The following LPIN1 variants were observed in gnomAD, a reference collection of about 807,000 sequenced individuals.
The protein encoded by LPIN1 is phosphatidate phosphatase LPIN1.
LPIN1 carries 71 observed loss-of-function variants against 107.5 expected under a neutral mutation model. That is an observed-to-expected ratio of 0.66 (90% CI 0.55 to 0.80). LPIN1 has a LOEUF of 0.80. Among genes scored for constraint, LPIN1 ranks in the 30% least tolerant of loss-of-function variants. LPIN1 has a pLI of 0.00. For missense variants in LPIN1, 1,043 were observed against 1,160.6 expected (o/e 0.90, Z 1.47); for synonymous variants, 445 against 452.6 (o/e 0.98, Z 0.21).
Position 11,804,487 on chromosome 2 carries a change from G to A in LPIN1, c.2078G>A (p.Gly693Asp), listed in dbSNP as rs778372334. The A allele has an allele frequency of 1.2e-6, 2 of 1,614,162 alleles. No homozygotes were observed. The highest frequency in any genetic ancestry group is 1.1e-5 in the South Asian group (1 of 91,080). Residue 693 changes from glycine (G) to aspartate (D), a missense_variant, in exon 16 of 21, where the codon GGC (glycine) becomes GAC (aspartate). By Grantham distance (94) the Gly-to-Asp change is moderately conservative. Coordinates refer to ENST00000674199, the MANE Select transcript of LPIN1 (RefSeq NM_001349206.2). ...VVFSVTTQYQ[G>D]TCRCEGTIYL... ...TTCAGTGTCACCACGCAGTACCAAG[G>A]CACGTGCCGCTGTGAGGGCACCATC...
intron 1 of LPIN1, among the ~76,000 whole-genome samples, chr2:11,689,711 C>T (rs1225026951): frequency 6.6e-6 from 1 of 152,142 alleles, no homozygotes; most frequent in Admixed American, 6.5e-5. Flanking sequence ...CAAGATCAGC[C>T]TGGCCAACAT....
At chr2:11,801,569 G>A (rs1422413569) in intron 14 of LPIN1, among the ~76,000 whole-genome samples, 3 of 152,196 alleles carry the variant, frequency 2.0e-5, no homozygotes, top group Non-Finnish European at 4.4e-5. Flanking sequence ...CATGGAGGTA[G>A]AGAGTAGAAT....
chr2:11,763,964 AGT>A lies in LPIN1; in HGVS notation c.-9-1546_-9-1545del, dbSNP rs143711712. Among the ~76,000 whole-genome samples the A allele has an allele frequency of 1.7e-3, 224 of 134,056 alleles. 1 individual carries two copies. Among genetic ancestry groups the A allele is most frequent in the Admixed American group, 3.8e-3 (52 of 13,510 alleles). 87.9% of individuals were successfully genotyped at this position (134,056 alleles called of 152,430 possible). A position where few individuals can be genotyped will look rare whatever the true frequency, so the allele number is the denominator to read the frequency against. ...ATTCGGTGACACTGACATATATTTT[AGT>A]GTGTGTGTGTGTGTGTGTGTGTATA... On this transcript the variant is annotated intron_variant, in intron 1 of 20. Coordinates refer to ENST00000674199, the MANE Select transcript of LPIN1 (RefSeq NM_001349206.2).
chr2:11,721,230 T>C (rs1664112163), upstream of LPIN1, among the ~76,000 whole-genome samples: 1 of 151,252 alleles, frequency 6.6e-6, no homozygotes, highest in Non-Finnish European at 1.5e-5. Context: ...TGGGGTATCT[T>C]GGACCTGAGA....
chr2:11,792,408 G>A (rs1459618894), intron 13 of LPIN1: 4 of 246,254 alleles, frequency 1.6e-5, no homozygotes, highest in South Asian at 5.1e-5. Flanking sequence ...TTTTGGAGAC[G>A]GGCTTGCTCA....
At chr2:11,759,390 G>T (rs988999140) in intron 1 of LPIN1, among the ~76,000 whole-genome samples, 1 of 151,570 alleles carries the variant, frequency 6.6e-6, no homozygotes, top group Non-Finnish European at 1.5e-5. Flanking sequence ...GACTCTTAAC[G>T]AGCCTGCTGC....
chr2:11,741,117 A>T, intron 1 of LPIN1: 2 of 384,522 alleles, frequency 5.2e-6, no homozygotes. Flanking sequence ...ACAGCAGCAC[A>T]AATGGGAGGC....
chr2:11,681,584 G>A (rs1661716687), intron 1 of LPIN1: 1 of 152,526 alleles, frequency 6.6e-6, no homozygotes, highest in African/African-American at 2.4e-5. Flanking sequence ...AATTACCCAG[G>A]TTCGGGTATT....
chr2:11,696,917 C>T (rs543877643), intron 1 of LPIN1, among the ~76,000 whole-genome samples: 1 of 152,340 alleles, frequency 6.6e-6, no homozygotes, highest in East Asian at 1.9e-4. Context: ...CCCCTGGCCG[C>T]ACCTCCTCTG....
intron 3 of LPIN1, among the ~76,000 whole-genome samples, chr2:11,769,908 G>A (rs1316090593): frequency 2.0e-5 from 3 of 152,162 alleles, no homozygotes; most frequent in Non-Finnish European, 2.9e-5. Flanking sequence ...TTGCAGCTTC[G>A]GGACAGAACA....
chr2:11,694,057 C>T (rs1662448586), intron 1 of LPIN1, among the ~76,000 whole-genome samples: 1 of 151,612 alleles, frequency 6.6e-6, no homozygotes, highest in Non-Finnish European at 1.5e-5. Context: ...TGGTCTTGAA[C>T]TCCTGACCTC....
rs538385262 is a variant in LPIN1, at chr2:11,730,378, C to G, written c.-72+5839C>G. 4.6e-5 allele frequency among the ~76,000 whole-genome samples: 7 copies of G among 152,320 alleles called. No homozygotes were observed. The East Asian group carries it at 7.7e-4, about 17-fold the overall frequency. ...TCCTGTGAAGGTTTTCATCTGACCC[C>G]ATCTACTGCACACCTCATCTCATCT... is the stretch of plus-strand genomic sequence containing the variant. On this transcript the variant is annotated intron_variant, in intron 1 of 21. Transcript: ENST00000396097.
intron 1 of LPIN1, among the ~76,000 whole-genome samples, chr2:11,705,246 C>T (rs1403745253): frequency 6.6e-6 from 1 of 152,166 alleles, no homozygotes; most frequent in Non-Finnish European, 1.5e-5. Context: ...GCTGGGTTGC[C>T]TCGGCCAAGT....
At position 11,783,822 on chromosome 2, in the gene LPIN1, G is replaced by C. The variant is rs376096398; in HGVS notation, c.1265-7G>C. 4 of 1,613,312 alleles carry C rather than the reference G, an allele frequency of 2.5e-6. No homozygotes were observed. The highest frequency in any genetic ancestry group is 3.4e-6 in the Non-Finnish European group (4 of 1,179,242). ...GGTTTTCTGACTTGAGCCATTTGCC[G>C]TTTTAGATAAACGAAGCCGACATCT... On this transcript the variant is annotated splice_polypyrimidine_tract_variant and splice_region_variant and intron_variant, in intron 8 of 20. Transcript: ENST00000674199.
intron 14 of LPIN1, among the ~76,000 whole-genome samples, chr2:11,800,910 T>C (rs893216779): frequency 6.6e-6 from 1 of 152,092 alleles, no homozygotes; most frequent in Non-Finnish European, 1.5e-5. Context: ...GAATGAGGAG[T>C]TTGCACATAT....
Position 11,805,171 on chromosome 2 carries a change from C to T in LPIN1, c.2249+15C>T, listed in dbSNP as rs1372910503. 2 of 1,594,086 alleles carry T rather than the reference C, an allele frequency of 1.3e-6. No homozygotes were observed. Among genetic ancestry groups the T allele is most frequent in the East Asian group, 2.2e-5 (1 of 44,790 alleles). ...AAAGTGAGCCAGTGAGTACAGAGTTCCTGTTTCCCGCCTCCTGTGAACGCT... is the reference window on the plus strand; with the variant it reads ...AAAGTGAGCCAGTGAGTACAGAGTTTCTGTTTCCCGCCTCCTGTGAACGCT... On this transcript the variant is annotated intron_variant, in intron 17 of 20. Coordinates refer to ENST00000674199, the MANE Select transcript of LPIN1 (RefSeq NM_001349206.2).
At chr2:11,778,038 G>A (rs929224218) in intron 6 of LPIN1, among the ~76,000 whole-genome samples, 1 of 152,184 alleles carries the variant, frequency 6.6e-6, no homozygotes, top group Non-Finnish European at 1.5e-5. Context: ...GACTGTAGAC[G>A]CTTCAGTGCC....
At chr2:11,813,927 CA>C (rs113707275) in intron 17 of LPIN1, among the ~76,000 whole-genome samples, 88 of 142,416 alleles carry the variant, frequency 6.2e-4, no homozygotes, top group Middle Eastern at 3.6e-3. Flanking sequence ...AACAAATAAA[CA>C]AAAAAAAAAA....
At position 11,779,744 on chromosome 2, in the gene LPIN1, A is replaced by C. The variant is rs542654358; in HGVS notation, c.957+99A>C. ...AGCATAGCCAAGAAACACAGCTACCAGGAGCCAGAGGTAAACCAAAATATA... is the reference window on the plus strand; with the variant it reads ...AGCATAGCCAAGAAACACAGCTACCCGGAGCCAGAGGTAAACCAAAATATA... On this transcript the variant is annotated intron_variant, in intron 7 of 20. Coordinates refer to ENST00000674199, the MANE Select transcript of LPIN1 (RefSeq NM_001349206.2). The C allele has an allele frequency of 1.2e-5, 19 of 1,524,096 alleles. No individual in the cohort carries two copies. The Admixed American group carries it at 1.4e-4, about 11-fold the overall frequency. 94.4% of individuals were successfully genotyped at this position (1,524,096 alleles called of 1,614,324 possible).
Sources: allele counts gnomAD v4.1 joint callset (sites outside exome capture counted in the v4.1 genomes callset), GRCh38; gene constraint gnomAD v4.1.1; transcripts MANE v1.5; gene names NCBI Gene and HGNC (gene_info 2026-07-23, HGNC 2026-07-21).